The following PRKG1 variants were observed in gnomAD, a reference collection of about 807,000 sequenced individuals.
The protein encoded by PRKG1 is cGMP-dependent protein kinase 1.
A neutral mutation model predicts 88.1 loss-of-function variants in PRKG1; 35 were observed. That is an observed-to-expected ratio of 0.40 (90% confidence interval 0.30 to 0.53). PRKG1 has a LOEUF of 0.53. Ranked by LOEUF, PRKG1 falls within the 20% of genes least tolerant of loss-of-function variation. PRKG1 has a pLI of 0.59. For synonymous variants in PRKG1, 303 were observed against 292.5 expected, an observed-to-expected ratio of 1.04 and a Z score of -0.37; for missense variants, 540 against 839.8, an observed-to-expected ratio of 0.64 and a Z score of 4.41.
At chr10:51,355,981 CA>C (rs1280909300) in intron 2 of PRKG1, among the ~76,000 whole-genome samples, 2 of 151,994 alleles carry the variant, frequency 1.3e-5, no homozygotes, top group African/African-American at 4.8e-5. Flanking sequence ...CTAATGTTAG[CA>C]CTTCTTTATA....
intron 5 of PRKG1, among the ~76,000 whole-genome samples, chr10:51,931,103 T>C (rs1469864290): frequency 6.6e-6 from 1 of 152,148 alleles, no homozygotes; most frequent in Non-Finnish European, 1.5e-5. Flanking sequence ...GGCTATGATG[T>C]AAGTTTCGTC....
chr10:51,597,147 AAAACT>A (rs1287596904), intron 3 of PRKG1, among the ~76,000 whole-genome samples: 2 of 151,918 alleles, frequency 1.3e-5, no homozygotes, highest in Non-Finnish European at 2.9e-5. Context: ...TTTTGGCTAG[AAAACT>A]AAACTAACCT....
chr10:51,695,561 TCA>T (rs1841267117), intron 3 of PRKG1: 1 of 152,304 alleles, frequency 6.6e-6, no homozygotes, highest in African/African-American at 2.4e-5. Context: ...TTAATAATTT[TCA>T]GTTACAGCCC....
chr10:51,993,517 A>T (rs1011078364), intron 5 of PRKG1, among the ~76,000 whole-genome samples: 1 of 152,198 alleles, frequency 6.6e-6, no homozygotes, highest in East Asian at 1.9e-4. Context: ...GTTATACATT[A>T]TGAGATTGAG....
intron 4 of PRKG1, among the ~76,000 whole-genome samples, chr10:51,818,283 A>G (rs1244548529): frequency 6.6e-6 from 1 of 152,184 alleles, no homozygotes; most frequent in Non-Finnish European, 1.5e-5. Flanking sequence ...CTCACTGATA[A>G]CAGTTCATCC....
chr10:52,165,879 A>G (rs1423895329), intron 9 of PRKG1, among the ~76,000 whole-genome samples: 2 of 152,332 alleles, frequency 1.3e-5, no homozygotes, highest in Non-Finnish European at 1.5e-5. Flanking sequence ...CAGCTCAGGT[A>G]GATAGTCTAG....
chr10:51,785,910 T>C (rs539720984), intron 3 of PRKG1, among the ~76,000 whole-genome samples: 1 of 152,278 alleles, frequency 6.6e-6, no homozygotes, highest in African/African-American at 2.4e-5. Context: ...ACTTGTATTG[T>C]CTATACAACA....
intron 17 of PRKG1, among the ~76,000 whole-genome samples, chr10:52,290,764 G>A (rs1040483738): frequency 6.6e-6 from 1 of 152,078 alleles, no homozygotes; most frequent in Non-Finnish European, 1.5e-5. Context: ...TCTGGAGCAG[G>A]AGGATCACTT....
intron 2 of PRKG1, among the ~76,000 whole-genome samples, chr10:51,206,937 G>A (rs372431404): frequency 3.9e-5 from 6 of 152,170 alleles, no homozygotes; most frequent in African/African-American, 1.4e-4. Flanking sequence ...AGGAAAGTGT[G>A]AAATTTCAGT....
In PRKG1 at chr10:51,374,093, A is replaced by ATATAT. The variant is rs1554801054; in HGVS notation, c.479-93630_479-93629insTATAT. 1.1e-3 allele frequency among the ~76,000 whole-genome samples: 110 copies of ATATAT among 100,184 alleles called. 1 individual carries two copies. The highest frequency in any genetic ancestry group is 9.2e-3 in the East Asian group (36 of 3,916). 65.7% of individuals were successfully genotyped at this position (100,184 alleles called of 152,430 possible). On this transcript the variant is annotated intron_variant, in intron 2 of 17. Transcript: ENST00000373980. The stretch of plus-strand genomic sequence containing the variant: ...GCTGGCAGAGGTTGCAAAAAAAAAA[A>ATATAT]ATATATATATATATATATATGTACT...
At chr10:52,240,480 A>T (rs1178733532) in intron 9 of PRKG1, among the ~76,000 whole-genome samples, 1 of 152,204 alleles carries the variant, frequency 6.6e-6, no homozygotes, top group East Asian at 1.9e-4. Context: ...GAATAAAAGT[A>T]TGGAGTTTAG....
intron 5 of PRKG1, among the ~76,000 whole-genome samples, chr10:52,053,478 G>A (rs1483623561): frequency 6.6e-6 from 1 of 152,146 alleles, no homozygotes; most frequent in African/African-American, 2.4e-5. Context: ...CACGAATTCT[G>A]TTTTGTTAGG....
intron 2 of PRKG1, among the ~76,000 whole-genome samples, chr10:51,298,309 C>T (rs1840776125): frequency 6.6e-6 from 1 of 152,126 alleles, no homozygotes; most frequent in South Asian, 2.1e-4. Context: ...AAAGAAAAGG[C>T]ACTGAATTGA....
chr10:52,044,374 T>C (rs887390622), intron 5 of PRKG1, among the ~76,000 whole-genome samples: 1 of 152,166 alleles, frequency 6.6e-6, no homozygotes, highest in African/African-American at 2.4e-5. Context: ...ATGGAGATTA[T>C]ACATTCTTTT....
At chr10:51,373,252 CAA>C (rs1452665790) in intron 2 of PRKG1, among the ~76,000 whole-genome samples, 2 of 152,144 alleles carry the variant, frequency 1.3e-5, no homozygotes, top group Non-Finnish European at 2.9e-5. Flanking sequence ...TGAAGCAACA[CAA>C]AGTTATTATT....
intron 4 of PRKG1, among the ~76,000 whole-genome samples, chr10:51,887,644 T>G (rs1442171513): frequency 6.6e-6 from 1 of 152,216 alleles, no homozygotes; most frequent in Non-Finnish European, 1.5e-5. Context: ...GAAGTGAAAT[T>G]TTGTTGTGGT....
intron 1 of PRKG1, among the ~76,000 whole-genome samples, chr10:51,033,246 C>A (rs942830009): frequency 1.3e-5 from 2 of 152,156 alleles, no homozygotes; most frequent in African/African-American, 4.8e-5. Context: ...CCCATCATGT[C>A]CTCACAACAG....
chr10:51,148,861 C>A (rs948003660), intron 1 of PRKG1, among the ~76,000 whole-genome samples: 1 of 152,094 alleles, frequency 6.6e-6, no homozygotes, highest in South Asian at 2.1e-4. Context: ...AAATTTATAT[C>A]ATTTATTCTT....
chr10:51,931,525 C>G (rs1476618856), intron 5 of PRKG1, among the ~76,000 whole-genome samples: 1 of 152,114 alleles, frequency 6.6e-6, no homozygotes, highest in Non-Finnish European at 1.5e-5. Context: ...CAGACCAATC[C>G]CCTCATGTTA....
Sources: gnomAD v4.1 joint callset for allele counts (sites outside exome capture counted in the v4.1 genomes callset) on GRCh38, gnomAD v4.1.1 for gene constraint, MANE v1.5 for transcripts, NCBI Gene and HGNC (gene_info 2026-07-23, HGNC 2026-07-21) for gene names.